PRKN: variants seen among roughly 807,000 people sequenced by gnomAD.
The protein encoded by PRKN is parkin RBR E3 ubiquitin protein ligase, also known as E3 ubiquitin-protein ligase parkin.
Under a neutral mutation model 59.5 loss-of-function variants are expected in PRKN, and 56 were observed. The ratio of observed to expected loss-of-function variants is 0.94; its 90% confidence interval spans 0.76 to 1.18. The LOEUF is 1.18. Ranked by LOEUF, PRKN falls within the 50% of genes most tolerant of loss-of-function variation. The pLI is 0.00. For missense variants in PRKN, 657 were observed against 596.4 expected, an observed-to-expected ratio of 1.10 and a Z score of -1.06; for synonymous variants, 250 against 222.1, an observed-to-expected ratio of 1.13 and a Z score of -1.12.
chr6:162,229,665 C>G (rs1055916449), intron 3 of PRKN, among the ~76,000 whole-genome samples: 2 of 152,162 alleles, frequency 1.3e-5, no homozygotes, highest in African/African-American at 4.8e-5. Context: ...AACTCAATAT[C>G]TGCCCTCGGC....
At chr6:161,902,441 C>T (rs1274431411) in intron 6 of PRKN, among the ~76,000 whole-genome samples, 1 of 151,942 alleles carries the variant, frequency 6.6e-6, no homozygotes, top group Non-Finnish European at 1.5e-5. Context: ...TATGGTTTTG[C>T]TTATTCACTC....
intron 7 of PRKN, among the ~76,000 whole-genome samples, chr6:161,665,746 TA>T (rs1018993951): frequency 2.8e-4 from 43 of 152,328 alleles, no homozygotes; most frequent in African/African-American, 1.0e-3. Flanking sequence ...ATGACAACAA[TA>T]ACAAAACACG....
chr6:161,947,619 C>T (rs1231684672), intron 6 of PRKN, among the ~76,000 whole-genome samples: 1 of 152,160 alleles, frequency 6.6e-6, no homozygotes, highest in Non-Finnish European at 1.5e-5. Context: ...ATCTTGTATT[C>T]ATGTGTTAAA....
chr6:161,842,125 A>G (rs574101512), intron 6 of PRKN, among the ~76,000 whole-genome samples: 88 of 152,276 alleles, frequency 5.8e-4, no homozygotes, highest in Non-Finnish European at 9.4e-4. Context: ...TTTATTAAAC[A>G]AAAGCTAAAA....
chr6:162,317,718 G>A lies in PRKN; in HGVS notation c.172-54953C>T, dbSNP rs527911095. On this transcript the variant is annotated intron_variant, in intron 2 of 11. Transcript: ENST00000366898. ...TCAACTTTGACATGTGATGGCTCCT[G>A]AGGGTAGAGCATTGAAAAGAAGGCA... is the stretch of plus-strand genomic sequence containing the variant. Among the ~76,000 whole-genome samples the A allele has an allele frequency of 1.4e-3, 218 of 152,064 alleles. 1 individual carries two copies. Among genetic ancestry groups the A allele is most frequent in the Middle Eastern group, 3.4e-3 (1 of 294 alleles).
chr6:162,287,093 A>G (rs1427526740), intron 2 of PRKN, among the ~76,000 whole-genome samples: 1 of 152,214 alleles, frequency 6.6e-6, no homozygotes, highest in African/African-American at 2.4e-5. Flanking sequence ...AGGCTGTCCC[A>G]TCTAATGGTA....
At chr6:161,812,092 A>G (rs958709345) in intron 6 of PRKN, among the ~76,000 whole-genome samples, 3 of 152,164 alleles carry the variant, frequency 2.0e-5, no homozygotes, top group Admixed American at 1.3e-4. Flanking sequence ...AATTAAAATT[A>G]AAATGTTGTT....
At chr6:161,726,624 G>A (rs955679656) in intron 7 of PRKN, among the ~76,000 whole-genome samples, 3 of 152,108 alleles carry the variant, frequency 2.0e-5, no homozygotes, top group Non-Finnish European at 4.4e-5. Context: ...CTACTTAGTA[G>A]ATTTACATAA....
intron 1 of PRKN, among the ~76,000 whole-genome samples, chr6:162,715,444 C>T (rs1342466774): frequency 6.6e-6 from 1 of 152,126 alleles, no homozygotes; most frequent in Admixed American, 6.5e-5. Context: ...GTCTGAAGTA[C>T]ACAAACCTTT....
chr6:161,640,940 A>G (rs6455747), intron 7 of PRKN, among the ~76,000 whole-genome samples: 107,309 of 152,226 alleles, frequency 0.7, 39,124 homozygotes, highest in African/African-American at 0.86. Context: ...TGAGCTCAGC[A>G]AGAAGGCTGG....
chr6:161,840,052 C>T (rs772383491), intron 6 of PRKN, among the ~76,000 whole-genome samples: 3 of 152,364 alleles, frequency 2.0e-5, no homozygotes, highest in Non-Finnish European at 2.9e-5. Context: ...GTTGGCGGAG[C>T]CAGCATGGAC....
In PRKN at chr6:161,548,953, C is replaced by T. The variant is rs1279745868; in HGVS notation, c.984G>A (p.Gly328=). 1.2e-6 allele frequency: 2 copies of T among 1,614,138 alleles called. No individual in the cohort carries two copies. The highest frequency in any genetic ancestry group is 2.2e-5 in the East Asian group (1 of 44,872). ...AGCCAGGGCGGGGGCATAACACGCC[C>T]CCCATCTGCAGGACACACTCCTCTG... ...YGAEECVLQM[G]GVLCPRPGCG... The change falls in exon 9 of 12, where the codon GGG becomes GGA. Residue 328 remains glycine, a synonymous_variant. Transcript: ENST00000366898. This position sits in a 1 kb window ranked among gnomAD's most constrained non-coding sequence, Gnocchi z 4.2.
chr6:161,751,040 T>C (rs374814810), intron 7 of PRKN, among the ~76,000 whole-genome samples: 4 of 152,214 alleles, frequency 2.6e-5, no homozygotes, highest in African/African-American at 7.2e-5. Context: ...ATCATATACA[T>C]TTTCTTTCAC....
chr6:161,976,226 G>A (rs1781026756), intron 5 of PRKN, among the ~76,000 whole-genome samples: 1 of 152,106 alleles, frequency 6.6e-6, no homozygotes, highest in Non-Finnish European at 1.5e-5. Flanking sequence ...TTTGATGAGA[G>A]TATCCCAAAG....
At chr6:161,773,313 G>T (rs555572573) in intron 7 of PRKN, among the ~76,000 whole-genome samples, 19 of 152,154 alleles carry the variant, frequency 1.2e-4, no homozygotes, top group African/African-American at 4.1e-4. Flanking sequence ...TATTGACTAC[G>T]TTAGAATCCT....
At chr6:161,763,907 C>T (rs1050386571) in intron 7 of PRKN, among the ~76,000 whole-genome samples, 13 of 152,216 alleles carry the variant, frequency 8.5e-5, no homozygotes, top group African/African-American at 2.4e-4. Flanking sequence ...GGTCTTTCAC[C>T]TCTCCTCTTG....
intron 7 of PRKN, among the ~76,000 whole-genome samples, chr6:161,780,942 A>C (rs188033246): frequency 2.1e-4 from 32 of 152,354 alleles, no homozygotes; most frequent in African/African-American, 7.7e-4. Flanking sequence ...AGTTTTTAAA[A>C]AGGCTGAAAT....
intron 4 of PRKN, among the ~76,000 whole-genome samples, chr6:162,188,852 A>T (rs1303069458): frequency 6.6e-6 from 1 of 151,942 alleles, no homozygotes; most frequent in Non-Finnish European, 1.5e-5. Context: ...CTTTCTCTCA[A>T]GCTCTTTAAC....
intron 5 of PRKN, among the ~76,000 whole-genome samples, chr6:162,015,014 G>A (rs556343715): frequency 6.6e-6 from 1 of 152,172 alleles, no homozygotes; most frequent in South Asian, 2.1e-4. Flanking sequence ...ACATGTTCAC[G>A]TTGTAGAAAA....
Sources: gnomAD v4.1 joint callset for allele counts (sites outside exome capture counted in the v4.1 genomes callset) on GRCh38, gnomAD v4.1.1 for gene constraint, Gnocchi (gnomAD v3.1) non-coding constraint, MANE v1.5 for transcripts, NCBI Gene and HGNC (gene_info 2026-07-23, HGNC 2026-07-21) for gene names.